TMEM116: variants seen among roughly 807,000 people sequenced by gnomAD.
The protein encoded by TMEM116 is transmembrane protein 116.
TMEM116 carries 38 observed loss-of-function variants against 44.3 expected under a neutral mutation model. That is an observed-to-expected ratio of 0.86 (90% CI 0.66 to 1.12). The LOEUF (loss-of-function observed/expected upper bound fraction) is 1.12. Among genes scored for constraint, TMEM116 ranks in the 50% most tolerant of loss-of-function variants. The pLI is 0.00. For synonymous variants in TMEM116, 132 were observed against 144.8 expected, an observed-to-expected ratio of 0.91 and a Z score of 0.64; for missense variants, 354 against 401.7, an observed-to-expected ratio of 0.88 and a Z score of 1.01.
At chr12:111,957,661 G>A (rs924671418) in intron 4 of TMEM116, among the ~76,000 whole-genome samples, 11 of 151,320 alleles carry the variant, frequency 7.3e-5, no homozygotes, top group African/African-American at 2.7e-4. Flanking sequence ...GAAGTGAGGA[G>A]CCCCTCTGCC....
Position 111,932,607 on chromosome 12 carries a change from G to A in TMEM116, c.786C>T (p.His262=), listed in dbSNP as rs745740760. 9 of 1,614,034 alleles carry A rather than the reference G, an allele frequency of 5.6e-6. No homozygotes were observed. Among genetic ancestry groups the A allele is most frequent in the Non-Finnish European group, 7.6e-6 (9 of 1,179,990 alleles). ...TTACCTGGAGAACATAAAGGGCCAT[G>A]TGAAGCTTGGTGTCCTGTGGCTTAG... The part of the protein sequence containing the change: ...KLTKPQDTKL[H]MALYVLQALT... The change falls in exon 10 of 11, where the codon CAC becomes CAT. Residue 262 remains histidine, a synonymous_variant. Transcript: ENST00000552374.
At chr12:111,960,599 G>A (rs967173461) in intron 4 of TMEM116, among the ~76,000 whole-genome samples, 4 of 150,780 alleles carry the variant, frequency 2.7e-5, no homozygotes, top group Admixed American at 6.6e-5. Flanking sequence ...ACGAAATTAA[G>A]GAAGCAATAC....
chr12:111,971,527 TA>T (rs2075337588), intron 4 of TMEM116, among the ~76,000 whole-genome samples: 1 of 151,356 alleles, frequency 6.6e-6, no homozygotes, highest in African/African-American at 2.4e-5. Context: ...AAATTTTAGT[TA>T]ATAAGCCAAC....
chr12:111,993,809 CA>C (rs1423893051), intron 3 of TMEM116: 17 of 742,880 alleles, frequency 2.3e-5, no homozygotes, highest in Middle Eastern at 3.0e-4. Context: ...GTGTTTTGTG[CA>C]ATTGTTTCTC....
chr12:111,996,750 T>C (rs1248321289), intron 3 of TMEM116, among the ~76,000 whole-genome samples: 1 of 152,196 alleles, frequency 6.6e-6, no homozygotes, highest in Non-Finnish European at 1.5e-5. Context: ...CAATAATGCT[T>C]ATGTACAAGA....
intron 4 of TMEM116, among the ~76,000 whole-genome samples, chr12:111,987,659 T>C (rs968291141): frequency 1.3e-5 from 2 of 152,122 alleles, no homozygotes; most frequent in African/African-American, 4.8e-5. Flanking sequence ...TTTATACCCA[T>C]TAGGATGGCT....
chr12:111,993,552 C>T (rs2076744682), intron 3 of TMEM116: 4 of 544,994 alleles, frequency 7.3e-6, no homozygotes, highest in South Asian at 6.5e-5. Context: ...AAATTCAAAC[C>T]CAACCAGGTT....
At chr12:111,993,773 C>T (rs1243913748) in intron 3 of TMEM116, 3 of 717,166 alleles carry the variant, frequency 4.2e-6, no homozygotes, top group Non-Finnish European at 8.0e-6. Context: ...CTGGTTGTAA[C>T]ATTTGTAGCA....
chr12:111,946,568 G>A (rs2073294715), intron 4 of TMEM116, among the ~76,000 whole-genome samples: 3 of 152,272 alleles, frequency 2.0e-5, no homozygotes, highest in African/African-American at 7.2e-5. Context: ...GGTGGGCCAG[G>A]TGTTCCTTGC....
chr12:111,937,266 C>T (rs765981073), intron 6 of TMEM116, 23 bp from the exon 7 acceptor site: 9 of 1,575,256 alleles, frequency 5.7e-6, no homozygotes, highest in Non-Finnish European at 7.0e-6. Flanking sequence ...AAAAGTATCA[C>T]CCTAATATCC....
chr12:111,976,782 A>T (rs1483132848), intron 4 of TMEM116, among the ~76,000 whole-genome samples: 1 of 152,238 alleles, frequency 6.6e-6, no homozygotes, highest in African/African-American at 2.4e-5. Flanking sequence ...CTTAAAAAGA[A>T]TCAAAAGGAA....
intron 4 of TMEM116, among the ~76,000 whole-genome samples, chr12:111,952,044 C>A (rs758871183): frequency 4.6e-5 from 7 of 152,084 alleles, no homozygotes; most frequent in Admixed American, 2.0e-4. Flanking sequence ...TGTTGGCCAA[C>A]ATGGTGAAAC....
upstream of TMEM116, chr12:112,013,169 C>A: frequency 2.5e-6 from 1 of 395,958 alleles, no homozygotes; most frequent in Middle Eastern, 3.2e-4. Flanking sequence ...CGGAACTGGG[C>A]GGACCCGCCG....
intron 5 of TMEM116, among the ~76,000 whole-genome samples, chr12:111,942,227 C>T (rs1489637270): frequency 1.3e-5 from 2 of 152,020 alleles, no homozygotes. Flanking sequence ...TGTGAGCCAC[C>T]ACGCCCGGCT....
chr12:111,948,048 T>C (rs2073417937), intron 4 of TMEM116, among the ~76,000 whole-genome samples: 1 of 152,252 alleles, frequency 6.6e-6, no homozygotes, highest in African/African-American at 2.4e-5. Context: ...TTAAATGTTT[T>C]GTTTTCCAAA....
In TMEM116 at chr12:111,959,923, C is replaced by T. The variant is rs116810875; in HGVS notation, c.211-16554G>A. On this transcript the variant is annotated intron_variant, in intron 4 of 10. Transcript: ENST00000552374. The stretch of plus-strand genomic sequence containing the variant: ...AATAATGTGAGACTTTAATACCCCA[C>T]TGTCGATATTAGATCAACGAGACAG... Among the ~76,000 whole-genome samples the T allele has an allele frequency of 8.1e-3, 1,236 of 152,290 alleles. 17 individuals are homozygous for T. Among genetic ancestry groups the T allele is most frequent in the African/African-American group, 0.029 (1,188 of 41,564 alleles).
At chr12:111,993,318 C>T in intron 3 of TMEM116, 2 of 497,226 alleles carry the variant, frequency 4.0e-6, no homozygotes, top group South Asian at 1.6e-5. Context: ...CTCAGTTACA[C>T]TTAAGGAGGA....
intron 3 of TMEM116, chr12:111,993,862 G>T: frequency 1.3e-6 from 1 of 750,788 alleles, no homozygotes. Flanking sequence ...TAAAGAAAAA[G>T]GTAGCAGTGC....
chr12:112,005,598 A>G (rs1275864722), intron 1 of TMEM116: 3 of 724,578 alleles, frequency 4.1e-6, no homozygotes, highest in Non-Finnish European at 5.1e-6. Context: ...ACTGAGGCTC[A>G]TACCTGTAAT....
Sources: allele counts gnomAD v4.1 joint callset (sites outside exome capture counted in the v4.1 genomes callset), GRCh38; gene constraint gnomAD v4.1.1; transcripts MANE v1.5; gene names NCBI Gene and HGNC (gene_info 2026-07-23, HGNC 2026-07-21).